FBXL18: variants seen among roughly 807,000 people sequenced by gnomAD.
The protein encoded by FBXL18 is F-box/LRR-repeat protein 18.
Under a neutral mutation model 46.0 loss-of-function variants are expected in FBXL18, and 36 were observed. The observed-to-expected ratio is 0.78, with a 90% CI of 0.60 to 1.03. The LOEUF (loss-of-function observed/expected upper bound fraction) is 1.03, where lower values mean the gene tolerates loss of function less well. FBXL18 is among the 50% of genes least tolerant of loss of function. FBXL18 has a pLI of 0.00. For synonymous variants in FBXL18, 557 were observed against 465.3 expected, an observed-to-expected ratio of 1.20 and a Z score of -2.54; for missense variants, 977 against 1,004.1, an observed-to-expected ratio of 0.97 and a Z score of 0.36.
chr7:5,485,095 C>T (rs557569788), intron 4 of FBXL18, among the ~76,000 whole-genome samples: 168 of 152,264 alleles, frequency 1.1e-3, no homozygotes, highest in African/African-American at 3.9e-3. Flanking sequence ...ATTCGTTTCT[C>T]GCCACAAGCA....
intron 4 of FBXL18, among the ~76,000 whole-genome samples, chr7:5,458,976 T>C (rs1783208587): frequency 6.6e-6 from 1 of 151,584 alleles, no homozygotes; most frequent in Non-Finnish European, 1.5e-5. Flanking sequence ...GTAAGACCCC[T>C]CCACCCACAG....
intron 4 of FBXL18, among the ~76,000 whole-genome samples, chr7:5,470,772 G>A (rs1173011250): frequency 1.3e-5 from 2 of 152,030 alleles, no homozygotes; most frequent in Admixed American, 6.5e-5. Context: ...AGTGGCCCCC[G>A]GCACCTGTGA....
intron 3 of FBXL18, among the ~76,000 whole-genome samples, chr7:5,492,619 C>T (rs562941466): frequency 2.0e-5 from 3 of 152,134 alleles, no homozygotes; most frequent in Admixed American, 6.5e-5. Context: ...AGGTTTGTTG[C>T]GGATGCAAGG....
intron 4 of FBXL18, among the ~76,000 whole-genome samples, chr7:5,485,625 G>A (rs1026466461): frequency 2.6e-5 from 4 of 152,002 alleles, no homozygotes; most frequent in African/African-American, 9.7e-5. Flanking sequence ...ACCACCCCGG[G>A]GGCTAGGCAT....
chr7:5,470,518 G>A (rs1783410068), intron 4 of FBXL18, among the ~76,000 whole-genome samples: 1 of 152,182 alleles, frequency 6.6e-6, no homozygotes, highest in Non-Finnish European at 1.5e-5. Context: ...GCTGCCCAGA[G>A]AAACCGCAGG....
chr7:5,501,936 G>A lies in FBXL18; in HGVS notation c.333C>T (p.Thr111=), dbSNP rs774322710. The A allele has an allele frequency of 6.9e-6, 11 of 1,604,308 alleles. No individual in the cohort carries two copies. The highest frequency in any genetic ancestry group is 2.7e-5 in the African/African-American group (2 of 74,856). The change falls in exon 3 of 5, where the codon ACC becomes ACT. Residue 111 remains threonine, a synonymous_variant. Transcript: ENST00000382368. ...TGCGGCAGCGGGCCACGTGTTCCAC[G>A]GTGGAGCCAGGCAGCCAGTAGCAGC... ...MAGCYWLPGS[T]VEHVARCRSL... is the part of the protein sequence containing the mutation.
rs540781934 is a variant in FBXL18 at position 5,463,051 on chromosome 7, C to G, written c.2001-15208G>C. ...ACCAGTGAGCACATGCAAAGAAGCC[C>G]AACCTTATTAACCATCAGGGAAATA... On this transcript the variant is annotated intron_variant and NMD_transcript_variant, in intron 4 of 6. Transcript: ENST00000415009. Among the ~76,000 whole-genome samples the G allele has an allele frequency of 2.9e-5, 4 of 138,950 alleles. No individual in the cohort carries two copies. The South Asian group carries it at 9.0e-4, about 31-fold the overall frequency. 91.2% of individuals were successfully genotyped at this position (138,950 alleles called of 152,430 possible).
In FBXL18 at chr7:5,500,919, C is replaced by T. The variant is rs60495385; in HGVS notation, c.1350G>A (p.Lys450=). 358 of 1,567,874 alleles carry T rather than the reference C, an allele frequency of 2.3e-4. 3 individuals carry two copies. The African/African-American group carries it at 3.9e-3, about 17-fold the overall frequency. Residue 450 remains lysine (K), a synonymous_variant, in exon 3 of 5, where the codon AAG becomes AAA. Coordinates refer to ENST00000382368, the MANE Select transcript of FBXL18 (RefSeq NM_024963.6). The part of the protein sequence containing the change: ...AMHAVPRGFG[K]KVRVGVQSCP... Reference sequence around the variant, plus strand: ...AGGACTGCACGCCCACACGCACTTTCTTGCCAAAGCCGCGCGGCACTGCGT... The same window carrying T: ...AGGACTGCACGCCCACACGCACTTTTTTGCCAAAGCCGCGCGGCACTGCGT...
At chr7:5,486,999 C>G (rs942769477) in intron 4 of FBXL18, among the ~76,000 whole-genome samples, 4 of 152,296 alleles carry the variant, frequency 2.6e-5, no homozygotes, top group Non-Finnish European at 4.4e-5. Flanking sequence ...TCCTCCTCCT[C>G]CTTCCGCGCC....
rs13238494 is a variant in FBXL18 at position 5,455,765 on chromosome 7, C to G, written c.2001-7922G>C. 9.5e-6 allele frequency among the ~76,000 whole-genome samples: 1 copy of G among 105,758 alleles called. No homozygotes were observed. The highest frequency in any genetic ancestry group is 2.1e-5 in the Non-Finnish European group (1 of 47,212). 69.4% of individuals were successfully genotyped at this position (105,758 alleles called of 152,430 possible). ...CCCACCCCCACTACACACACACAAA[C>G]ACACACACACACACACACACACCAC... On this transcript the variant is annotated intron_variant and NMD_transcript_variant, in intron 4 of 6. Transcript: ENST00000415009. The surrounding 1 kb of genome is among the most constrained non-coding windows in gnomAD (Gnocchi z 4.6).
chr7:5,502,109 A>C, intron 2 of FBXL18, 78 bp from the exon 3 acceptor site: 1 of 994,856 alleles, frequency 1.0e-6, no homozygotes, highest in East Asian at 2.6e-5. Context: ...CAGTGCGCAC[A>C]CTCCCCCTTG....
At chr7:5,458,123 G>A (rs1783196654) in intron 4 of FBXL18, among the ~76,000 whole-genome samples, 1 of 152,064 alleles carries the variant, frequency 6.6e-6, no homozygotes, top group Non-Finnish European at 1.5e-5. Context: ...TGAAAAGCAG[G>A]TGGGACCGTT....
At chr7:5,498,300 A>C (rs1296018526) in intron 3 of FBXL18, among the ~76,000 whole-genome samples, 1 of 151,958 alleles carries the variant, frequency 6.6e-6, no homozygotes, top group African/African-American at 2.4e-5. Flanking sequence ...GTTAGCCAGG[A>C]TGGTCTCGAT....
downstream of FBXL18, among the ~76,000 whole-genome samples, chr7:5,475,624 G>T (rs1022153878): frequency 6.6e-6 from 1 of 152,082 alleles, no homozygotes; most frequent in African/African-American, 2.4e-5. This position sits in a 1 kb window ranked among gnomAD's most constrained non-coding sequence, Gnocchi z 4.2. Flanking sequence ...TCTGCCCCCC[G>T]CTTTGGGTCT....
At chr7:5,473,256 T>C (rs969847076), downstream of FBXL18, among the ~76,000 whole-genome samples, 2 of 152,080 alleles carry the variant, frequency 1.3e-5, no homozygotes, top group African/African-American at 4.8e-5. Flanking sequence ...GAAGGAGGCA[T>C]TGCTGAGTCC....
In FBXL18 at chr7:5,455,476, C is replaced by T. The variant is rs749199625; in HGVS notation, c.2001-7633G>A. On this transcript the variant is annotated intron_variant and NMD_transcript_variant, in intron 4 of 6. Transcript: ENST00000415009. The surrounding 1 kb of genome is among the most constrained non-coding windows in gnomAD (Gnocchi z 4.6). ...GGAGCACTACCTTAGTCTCCTTGCTCGCCACTGGCTTCACTGGCGTCAGAA... is the reference window on the plus strand; with the variant it reads ...GGAGCACTACCTTAGTCTCCTTGCTTGCCACTGGCTTCACTGGCGTCAGAA... 1.9e-4 allele frequency among the ~76,000 whole-genome samples: 29 copies of T among 152,086 alleles called. No homozygotes were observed. The highest frequency in any genetic ancestry group is 2.6e-4 in the Non-Finnish European group (18 of 67,996).
At chr7:5,500,343 C>T in intron 3 of FBXL18, 145 bp downstream of exon 3, 1 of 709,896 alleles carries the variant, frequency 1.4e-6, no homozygotes, top group Non-Finnish European at 2.3e-6. Flanking sequence ...CCCCAGAGCC[C>T]CGAGACCGAC....
At chr7:5,473,660 C>G (rs1487226060), downstream of FBXL18, among the ~76,000 whole-genome samples, 1 of 150,450 alleles carries the variant, frequency 6.6e-6, no homozygotes. Flanking sequence ...ACTCAGGAGG[C>G]TGAGGCAGGA....
chr7:5,459,673 G>C (rs1783216540), intron 4 of FBXL18, among the ~76,000 whole-genome samples: 1 of 151,542 alleles, frequency 6.6e-6, no homozygotes, highest in Non-Finnish European at 1.5e-5. Flanking sequence ...CTGGGAGGCA[G>C]AGCTTGCAGT....
Sources: gnomAD v4.1 joint callset for allele counts (sites outside exome capture counted in the v4.1 genomes callset) on GRCh38, gnomAD v4.1.1 for gene constraint, Gnocchi (gnomAD v3.1) non-coding constraint, MANE v1.5 for transcripts, NCBI Gene and HGNC (gene_info 2026-07-23, HGNC 2026-07-21) for gene names.